Variants in ADCY2 observed in about 807,000 individuals in gnomAD.
ADCY2 encodes the protein adenylate cyclase 2, also known as adenylate cyclase type 2.
ADCY2 carries 31 observed loss-of-function variants against 125.2 expected under a neutral mutation model. The ratio of observed to expected loss-of-function variants is 0.25; its 90% confidence interval spans 0.19 to 0.33. The LOEUF (loss-of-function observed/expected upper bound fraction) is 0.33. ADCY2 is among the 10% of genes least tolerant of loss of function. ADCY2 has a pLI of 1.00. For synonymous variants in ADCY2, 512 were observed against 548.4 expected, an observed-to-expected ratio of 0.93 and a Z score of 0.93; for missense variants, 904 against 1,418.2, an observed-to-expected ratio of 0.64 and a Z score of 5.82.
intron 23 of ADCY2, among the ~76,000 whole-genome samples, chr5:7,818,347 C>G (rs1745183259): frequency 6.9e-6 from 1 of 145,424 alleles, no homozygotes; most frequent in Non-Finnish European, 1.5e-5. Flanking sequence ...TTTTCTTTTT[C>G]TTTTTCTTTT....
intron 3 of ADCY2, among the ~76,000 whole-genome samples, chr5:7,560,552 C>G (rs923006614): frequency 2.0e-5 from 3 of 152,082 alleles, no homozygotes; most frequent in African/African-American, 7.2e-5. Context: ...ATGCACATGT[C>G]TGATATTCAT....
intron 1 of ADCY2, among the ~76,000 whole-genome samples, chr5:7,400,186 A>G (rs1004458464): frequency 6.6e-6 from 1 of 152,232 alleles, no homozygotes; most frequent in African/African-American, 2.4e-5. Flanking sequence ...CAATATTTCA[A>G]TATAAATGAA....
At chr5:7,586,302 A>G (rs75685682) in intron 3 of ADCY2, among the ~76,000 whole-genome samples, 4,286 of 152,304 alleles carry the variant, frequency 0.028, 190 homozygotes, top group African/African-American at 0.097. Flanking sequence ...GAAAAAAATT[A>G]TACTAAATTA....
chr5:7,766,081 GT>G (rs1220316852), intron 16 of ADCY2, among the ~76,000 whole-genome samples: 6 of 151,692 alleles, frequency 4.0e-5, no homozygotes, highest in Non-Finnish European at 8.8e-5. Flanking sequence ...TACCTTTTTT[GT>G]TTTTTTAGTT....
At chr5:7,734,537 G>C (rs544777419) in intron 14 of ADCY2, among the ~76,000 whole-genome samples, 2 of 152,184 alleles carry the variant, frequency 1.3e-5, no homozygotes, top group Non-Finnish European at 2.9e-5. Flanking sequence ...ACTCGAGGTT[G>C]TTTTTCAGTA....
At chr5:7,520,347 A>T (rs1744396635) in intron 2 of ADCY2, among the ~76,000 whole-genome samples, 1 of 151,530 alleles carries the variant, frequency 6.6e-6, no homozygotes, top group African/African-American at 2.4e-5. Context: ...CACCCTGTCC[A>T]CCCCCGTCCC....
chr5:7,624,936 G>A (rs1354157117), intron 3 of ADCY2, among the ~76,000 whole-genome samples: 3 of 152,164 alleles, frequency 2.0e-5, no homozygotes, highest in African/African-American at 7.2e-5. Flanking sequence ...AGACCTGTAG[G>A]TCTTGCCATG....
At chr5:7,735,775 T>C (rs773133742) in intron 14 of ADCY2, among the ~76,000 whole-genome samples, 3 of 152,234 alleles carry the variant, frequency 2.0e-5, no homozygotes, top group African/African-American at 4.8e-5. Context: ...GAGATACTGA[T>C]TTCTACTTTT....
At chr5:7,768,725 A>G (rs1743469092) in intron 17 of ADCY2, among the ~76,000 whole-genome samples, 1 of 152,210 alleles carries the variant, frequency 6.6e-6, no homozygotes, top group African/African-American at 2.4e-5. Flanking sequence ...ACATTTACTC[A>G]ACCTTTAAAG....
intron 3 of ADCY2, 103 bp from the exon 4 acceptor site, chr5:7,626,064 G>T: frequency 4.7e-6 from 6 of 1,268,748 alleles, no homozygotes; most frequent in Non-Finnish European, 6.5e-6. Flanking sequence ...TTAACTTCCT[G>T]CAGTTATCTC....
At chr5:7,800,795 C>T (rs1176650186) in intron 20 of ADCY2, 1 of 152,150 alleles carries the variant, frequency 6.6e-6, no homozygotes, top group Non-Finnish European at 1.5e-5. Flanking sequence ...GGGTTCTCAT[C>T]CCTGTTCTCT....
intron 2 of ADCY2, among the ~76,000 whole-genome samples, chr5:7,437,780 C>T (rs1740862052): frequency 6.6e-6 from 1 of 151,928 alleles, no homozygotes; most frequent in Non-Finnish European, 1.5e-5. Flanking sequence ...TTTTAATTAG[C>T]ACTTTGAACA....
chr5:7,396,373 T>C lies in ADCY2; in HGVS notation c.77T>C (p.Leu26Pro), dbSNP rs750617435. The C allele has an allele frequency of 6.4e-7, 1 of 1,557,092 alleles. No individual in the cohort carries two copies. Among genetic ancestry groups the C allele is most frequent in the Non-Finnish European group, 8.7e-7 (1 of 1,153,028 alleles). Residue 26 changes from leucine to proline, a missense_variant, in exon 1 of 25, where the codon CTG becomes CCG. By Grantham distance (98) the Leu-to-Pro change is moderately conservative. Coordinates refer to ENST00000338316, the MANE Select transcript of ADCY2 (RefSeq NM_020546.3). The surrounding 1 kb of genome is among the most constrained non-coding windows in gnomAD (Gnocchi z 5.7). ...GAGGCGGCGGGCGGCGGAGACGGGC[T>C]GCCGCGGTCCCGGGACTGGCTCTAC... is the stretch of plus-strand genomic sequence containing the variant. ...SEEAAGGGDG[L>P]PRSRDWLYES...
At chr5:7,706,700 C>CA in intron 7 of ADCY2, 44 bp from the exon 8 acceptor site, 1 of 1,601,238 alleles carries the variant, frequency 6.2e-7, no homozygotes, top group East Asian at 2.2e-5. Flanking sequence ...TTAAAGGAAA[C>CA]AGTGGATGTT....
intron 3 of ADCY2, among the ~76,000 whole-genome samples, chr5:7,557,201 A>ATATATATATATAT: frequency 1.4e-5 from 2 of 140,104 alleles, no homozygotes; most frequent in Non-Finnish European, 3.2e-5. Context: ...TGATATATAT[A>ATATATATATATAT]ACTCAAGTGA....
rs114557315 is a variant in ADCY2 at position 7,543,642 on chromosome 5, G to A, written c.570+22743G>A. Among the ~76,000 whole-genome samples, 418 of 152,176 alleles carry A rather than the reference G, an allele frequency of 2.7e-3. 1 individual carries two copies. The highest frequency in any genetic ancestry group is 9.6e-3 in the African/African-American group (397 of 41,492). On this transcript the variant is annotated intron_variant, in intron 3 of 24. Coordinates refer to ENST00000338316, the MANE Select transcript of ADCY2 (RefSeq NM_020546.3). ...TTACCTTTGCACCAACTTAATAGAG[G>A]TGCATATCATCTTAGATCTCTCTTC...
chr5:7,589,868 T>C (rs1736791497), intron 3 of ADCY2, among the ~76,000 whole-genome samples: 1 of 152,190 alleles, frequency 6.6e-6, no homozygotes, highest in African/African-American at 2.4e-5. Context: ...CCCAGATATA[T>C]TAAAGCCATC....
chr5:7,755,610 G>A (rs1742968420), intron 15 of ADCY2, among the ~76,000 whole-genome samples: 1 of 152,188 alleles, frequency 6.6e-6, no homozygotes. Context: ...CAAAGACAGA[G>A]GAGGCAGGTA....
At chr5:7,524,296 T>G (rs1488956365) in intron 3 of ADCY2, among the ~76,000 whole-genome samples, 1 of 152,190 alleles carries the variant, frequency 6.6e-6, no homozygotes, top group African/African-American at 2.4e-5. Flanking sequence ...TTTTTTTTGC[T>G]AAGCCATTTA....
Sources: allele counts gnomAD v4.1 joint callset (sites outside exome capture counted in the v4.1 genomes callset), GRCh38; gene constraint gnomAD v4.1.1; non-coding constraint Gnocchi (gnomAD v3.1); transcripts MANE v1.5; gene names NCBI Gene and HGNC (gene_info 2026-07-23, HGNC 2026-07-21).